The following DPH6 variants were observed in gnomAD, a reference collection of about 807,000 sequenced individuals.
DPH6 encodes the protein diphthine--ammonia ligase.
A neutral mutation model predicts 38.2 loss-of-function variants in DPH6; 33 were observed. The observed-to-expected ratio is 0.86, with a 90% CI of 0.65 to 1.15. The LOEUF is 1.15. Ranked by LOEUF, DPH6 falls within the 50% of genes most tolerant of loss-of-function variation. DPH6 has a pLI of 0.00. For synonymous variants in DPH6, 108 were observed against 103.0 expected (o/e 1.05, Z -0.30); for missense variants, 325 against 320.0 (o/e 1.02, Z -0.12).
chr15:35,475,638 T>C (rs1366686283), intron 3 of DPH6, among the ~76,000 whole-genome samples: 2 of 152,002 alleles, frequency 1.3e-5, no homozygotes, highest in East Asian at 3.9e-4. Flanking sequence ...CTAAAGAAAT[T>C]GAAAATTATG....
intron 3 of DPH6, among the ~76,000 whole-genome samples, chr15:35,511,140 A>G (rs1231456626): frequency 3.3e-5 from 5 of 152,180 alleles, no homozygotes; most frequent in African/African-American, 1.2e-4. Flanking sequence ...TTTTAATAAG[A>G]TCCCCAAATG....
chr15:35,410,884 T>C lies in DPH6; in HGVS notation c.518A>G (p.Asp173Gly), dbSNP rs142323760. ...IKVAALGLDP[D>G]KHLGKTLDQM... ...ATCCAGGGTTTTCCCAAGATGCTTA[T>C]CAGGATCTAAACCTGCCAAGAAAGG... The change falls in exon 6 of 9, where the codon GAT becomes GGT. Residue 173 changes from aspartate to glycine, a missense_variant. Transcript: ENST00000256538. 4 of 1,604,870 alleles carry C rather than the reference T, an allele frequency of 2.5e-6. No individual in the cohort carries two copies. Among genetic ancestry groups the C allele is most frequent in the Non-Finnish European group, 2.6e-6 (3 of 1,175,480 alleles).
chr15:35,224,100 G>GTTTTTTTT (rs142813866), intron 3 of DPH6, among the ~76,000 whole-genome samples: 42 of 88,904 alleles, frequency 4.7e-4, no homozygotes, highest in Non-Finnish European at 7.2e-4. Context: ...CATGATTTTA[G>GTTTTTTTT]TTTTTTTTTT....
chr15:35,216,634 A>G (rs547849532), downstream of DPH6, among the ~76,000 whole-genome samples: 78 of 152,332 alleles, frequency 5.1e-4, no homozygotes, highest in Middle Eastern at 3.4e-3. Flanking sequence ...TTAATCAGTA[A>G]ATTTTTACCA....
intron 3 of DPH6, among the ~76,000 whole-genome samples, chr15:35,502,821 C>T (rs1010686357): frequency 3.3e-5 from 5 of 150,586 alleles, no homozygotes; most frequent in Non-Finnish European, 7.4e-5. Flanking sequence ...CTTACTTCTA[C>T]TTAGCACAAT....
intron 3 of DPH6, among the ~76,000 whole-genome samples, chr15:35,221,775 G>A (rs189169212): frequency 2.0e-5 from 3 of 152,254 alleles, no homozygotes; most frequent in Non-Finnish European, 2.9e-5. Context: ...ATATGGCCAG[G>A]TGTCAATTTT....
intron 3 of DPH6, among the ~76,000 whole-genome samples, chr15:35,527,023 A>G (rs1054582658): frequency 2.0e-5 from 3 of 152,170 alleles, no homozygotes; most frequent in African/African-American, 7.2e-5. Flanking sequence ...AATCCAATCT[A>G]TAATATAAAT....
intron 7 of DPH6, 32 bp from the exon 8 acceptor site, chr15:35,373,640 A>G (rs944705917): frequency 1.3e-6 from 2 of 1,566,950 alleles, no homozygotes; most frequent in African/African-American, 1.4e-5. Context: ...ATACATTTAT[A>G]TGCTACAAAA....
At chr15:35,488,083 C>T (rs1355239398) in intron 3 of DPH6, among the ~76,000 whole-genome samples, 1 of 152,174 alleles carries the variant, frequency 6.6e-6, no homozygotes, top group Non-Finnish European at 1.5e-5. Context: ...CCAGTAAGGT[C>T]CTCATCTCCA....
intron 3 of DPH6, among the ~76,000 whole-genome samples, chr15:35,291,007 C>T (rs1448070787): frequency 6.6e-6 from 1 of 151,982 alleles, no homozygotes; most frequent in African/African-American, 2.4e-5. Context: ...GCTCCAAAAC[C>T]ATTAGCCAAA....
chr15:35,159,702 T>C, the DPH6 span, among the ~76,000 whole-genome samples: 2 of 152,046 alleles, frequency 1.3e-5, no homozygotes, highest in Non-Finnish European at 2.9e-5. Context: ...ATCCCATTAC[T>C]GCATATATAT....
intron 5 of DPH6, among the ~76,000 whole-genome samples, chr15:35,420,188 T>C (rs62002910): frequency 0.31 from 46,600 of 151,990 alleles, 7,864 homozygotes; most frequent in African/African-American, 0.45. Context: ...AAGGAGCATA[T>C]GACCCTATCT....
intron 3 of DPH6, among the ~76,000 whole-genome samples, chr15:35,295,727 T>C (rs575568134): frequency 6.6e-6 from 1 of 152,312 alleles, no homozygotes; most frequent in Admixed American, 6.5e-5. Context: ...CCATTAGTAA[T>C]CATAAAAATC....
At chr15:35,292,526 G>T (rs1415597331) in intron 3 of DPH6, among the ~76,000 whole-genome samples, 1 of 152,066 alleles carries the variant, frequency 6.6e-6, no homozygotes. Flanking sequence ...TGTTCAACTG[G>T]TGACTGGGAT....
intron 3 of DPH6, among the ~76,000 whole-genome samples, chr15:35,280,439 T>C (rs1052452839): frequency 1.1e-4 from 17 of 152,132 alleles, no homozygotes; most frequent in Non-Finnish European, 7.4e-5. Flanking sequence ...AGAGAAGTGA[T>C]TTAAGCTAGA....
chr15:35,156,685 G>A, the DPH6 span, among the ~76,000 whole-genome samples: 1 of 152,124 alleles, frequency 6.6e-6, no homozygotes, highest in African/African-American at 2.4e-5. Context: ...CAGATTATCT[G>A]TCTTGATCTG....
At chr15:35,246,559 T>A (rs1942746807) in intron 3 of DPH6, among the ~76,000 whole-genome samples, 1 of 152,190 alleles carries the variant, frequency 6.6e-6, no homozygotes, top group African/African-American at 2.4e-5. Flanking sequence ...AAGCAATTTG[T>A]TCATCCTTGG....
intron 3 of DPH6, among the ~76,000 whole-genome samples, chr15:35,356,723 G>T (rs574531789): frequency 6.6e-6 from 1 of 152,140 alleles, no homozygotes; most frequent in African/African-American, 2.4e-5. Context: ...TAGGCTACTC[G>T]GGGGTCAGGG....
chr15:35,339,060 C>T (rs1008743278), intron 3 of DPH6, among the ~76,000 whole-genome samples: 15 of 152,052 alleles, frequency 9.9e-5, no homozygotes, highest in Non-Finnish European at 2.1e-4. Context: ...TGGGGGATAG[C>T]ATTAGGAGAT....
Sources: allele counts gnomAD v4.1 joint callset (sites outside exome capture counted in the v4.1 genomes callset), GRCh38; gene constraint gnomAD v4.1.1; transcripts MANE v1.5; gene names NCBI Gene and HGNC (gene_info 2026-07-23, HGNC 2026-07-21).